ITPKB: variants seen among roughly 807,000 people sequenced by gnomAD.
The protein encoded by ITPKB is IP3 3-kinase B.
Under a neutral mutation model 69.4 loss-of-function variants are expected in ITPKB, and 13 were observed. That is an observed-to-expected ratio of 0.19 (90% CI 0.12 to 0.30). The LOEUF (loss-of-function observed/expected upper bound fraction) is 0.30, where lower values mean the gene tolerates loss of function less well. Ranked by LOEUF, ITPKB falls within the 10% of genes least tolerant of loss-of-function variation. The pLI is 1.00. For missense variants in ITPKB, 1,240 were observed against 1,250.5 expected, an observed-to-expected ratio of 0.99 and a Z score of 0.13; for synonymous variants, 584 against 513.7, an observed-to-expected ratio of 1.14 and a Z score of -1.85.
At chr1:226,662,799 G>A (rs1292424403) in intron 2 of ITPKB, among the ~76,000 whole-genome samples, 1 of 152,226 alleles carries the variant, frequency 6.6e-6, no homozygotes, top group Non-Finnish European at 1.5e-5. Context: ...TGATGTGCCT[G>A]TGGCTAAATG....
intron 2 of ITPKB, among the ~76,000 whole-genome samples, chr1:226,696,871 G>A (rs549753557): frequency 7.9e-5 from 12 of 152,268 alleles, no homozygotes; most frequent in Non-Finnish European, 1.2e-4. Context: ...ACTAGGGGCC[G>A]GGGGGTTAGC....
chr1:226,636,941 CAT>C (rs1357400659), intron 7 of ITPKB, among the ~76,000 whole-genome samples: 1 of 151,750 alleles, frequency 6.6e-6, no homozygotes, highest in Non-Finnish European at 1.5e-5. Flanking sequence ...GATTGATCTG[CAT>C]GTGTGTGAAT....
intron 2 of ITPKB, among the ~76,000 whole-genome samples, chr1:226,664,767 T>C (rs949968254): frequency 6.6e-6 from 1 of 152,350 alleles, no homozygotes; most frequent in South Asian, 2.1e-4. Flanking sequence ...GCCGATAAAC[T>C]GCCAAAGAGC....
chr1:226,705,546 AATG>A (rs1402155602), intron 2 of ITPKB, among the ~76,000 whole-genome samples: 28 of 151,840 alleles, frequency 1.8e-4, no homozygotes, highest in Non-Finnish European at 3.7e-4. Flanking sequence ...AAAAAAAAAA[AATG>A]ATGTCAAAGC....
At chr1:226,664,113 T>C (rs1669452887) in intron 2 of ITPKB, among the ~76,000 whole-genome samples, 1 of 152,376 alleles carries the variant, frequency 6.6e-6, no homozygotes. Context: ...AGAAGGCTCC[T>C]GGTTCTCTTA....
Position 226,651,279 on chromosome 1 carries a change from G to C in ITPKB, c.1933-2508C>G, listed in dbSNP as rs114213698. On this transcript the variant is annotated intron_variant, in intron 2 of 7. Coordinates refer to ENST00000429204, the MANE Select transcript of ITPKB (RefSeq NM_002221.4). ...TAGGTGAGCAGGCGAGGCCTCGGGAGAGCGTGGGGCGTTGAGGCAGGCCAA... is the reference window on the plus strand; with the variant it reads ...TAGGTGAGCAGGCGAGGCCTCGGGACAGCGTGGGGCGTTGAGGCAGGCCAA... Among the ~76,000 whole-genome samples the C allele has an allele frequency of 4.0e-3, 608 of 152,366 alleles. 4 individuals carry two copies. The highest frequency in any genetic ancestry group is 0.014 in the African/African-American group (589 of 41,584).
intron 7 of ITPKB, among the ~76,000 whole-genome samples, chr1:226,636,969 A>ATG (rs1326957497): frequency 6.6e-6 from 1 of 151,766 alleles, no homozygotes; most frequent in Non-Finnish European, 1.5e-5. Context: ...TGATTTGTGA[A>ATG]TGTGTGTGCA....
chr1:226,648,821 T>C, intron 2 of ITPKB, 50 bp from the exon 3 acceptor site: 3 of 1,269,740 alleles, frequency 2.4e-6, no homozygotes, highest in Non-Finnish European at 3.5e-6. Flanking sequence ...AACCACTAAT[T>C]TCTGGTTAGG....
In ITPKB at chr1:226,737,156, A is replaced by T; in HGVS notation, c.303T>A (p.Ser101Arg). The stretch of plus-strand genomic sequence containing the variant: ...GGTCCCCTCGCAGGCGACCAGCCCA[A>T]CTTGGGCTGCTCACGCTACTGCCGC... ...GSSGSSVSSPSWAGRLRGDRQ... is the reference protein window; with the variant it reads ...GSSGSSVSSPRWAGRLRGDRQ... Residue 101 changes from serine (S) to arginine (R), a missense_variant, in exon 2 of 8, where the codon AGT (serine) becomes AGA (arginine). Coordinates refer to ENST00000429204, the MANE Select transcript of ITPKB (RefSeq NM_002221.4). 12 of 1,596,548 alleles carry T rather than the reference A, an allele frequency of 7.5e-6. No homozygotes were observed. The highest frequency in any genetic ancestry group is 1.0e-5 in the Non-Finnish European group (12 of 1,178,392).
intron 2 of ITPKB, among the ~76,000 whole-genome samples, chr1:226,695,784 G>A (rs151317239): frequency 6.6e-6 from 1 of 152,302 alleles, no homozygotes; most frequent in Non-Finnish European, 1.5e-5. Context: ...AGGAGGGAGA[G>A]GACACGGGGG....
intron 2 of ITPKB, among the ~76,000 whole-genome samples, chr1:226,667,868 G>A (rs1421473374): frequency 2.0e-5 from 3 of 151,640 alleles, no homozygotes; most frequent in African/African-American, 4.9e-5. Flanking sequence ...GCGCGCGTGC[G>A]AAGTGGAGGT....
intron 2 of ITPKB, among the ~76,000 whole-genome samples, chr1:226,726,580 G>T (rs560843074): frequency 6.6e-6 from 1 of 151,932 alleles, no homozygotes; most frequent in Non-Finnish European, 1.5e-5. Context: ...GGAGGCTGAG[G>T]TGTGAGGATC....
rs1001579978 is a variant in ITPKB, at chr1:226,673,720, T to C, written c.1933-24949A>G. ...ACATATACCATATACATTAGATATATGCTATATATTTACACTTCTTGGCCT... is the reference window on the plus strand; with the variant it reads ...ACATATACCATATACATTAGATATACGCTATATATTTACACTTCTTGGCCT... On this transcript the variant is annotated intron_variant, in intron 2 of 7. Coordinates refer to ENST00000429204, the MANE Select transcript of ITPKB (RefSeq NM_002221.4). Among the ~76,000 whole-genome samples, 7 of 152,250 alleles carry C rather than the reference T, an allele frequency of 4.6e-5. No individual in the cohort carries two copies. In the East Asian group the frequency reaches 7.7e-4, roughly 17 times the overall value.
intron 5 of ITPKB, among the ~76,000 whole-genome samples, chr1:226,640,809 G>C (rs968181701): frequency 6.6e-6 from 1 of 152,178 alleles, no homozygotes; most frequent in Non-Finnish European, 1.5e-5. Context: ...TCTCAGCCCA[G>C]AGCTCGCAAA....
chr1:226,706,479 G>A (rs551280951), intron 2 of ITPKB, among the ~76,000 whole-genome samples: 1 of 152,196 alleles, frequency 6.6e-6, no homozygotes, highest in South Asian at 2.1e-4. Flanking sequence ...ATCTAGACAG[G>A]CTTCTTGTTA....
chr1:226,670,868 T>C lies in ITPKB; in HGVS notation c.1933-22097A>G, dbSNP rs533517903. On this transcript the variant is annotated intron_variant, in intron 2 of 7. Coordinates refer to ENST00000429204, the MANE Select transcript of ITPKB (RefSeq NM_002221.4). ...ATAGAATCAAGCTGTTTCATCATTA[T>C]GATCGTAGGGTTATGATGATACCTA... is the stretch of plus-strand genomic sequence containing the variant. Among the ~76,000 whole-genome samples, 256 of 152,382 alleles carry C rather than the reference T, an allele frequency of 1.7e-3. 2 individuals carry two copies. The highest frequency in any genetic ancestry group is 6.0e-3 in the African/African-American group (249 of 41,586).
intron 2 of ITPKB, among the ~76,000 whole-genome samples, chr1:226,705,322 G>A (rs1656773003): frequency 6.8e-6 from 1 of 147,518 alleles, no homozygotes; most frequent in South Asian, 2.3e-4. Flanking sequence ...CTGAGGTCGG[G>A]AGTTCGAGAC....
intron 2 of ITPKB, among the ~76,000 whole-genome samples, chr1:226,735,185 T>G (rs1657706749): frequency 6.6e-6 from 1 of 152,268 alleles, no homozygotes; most frequent in African/African-American, 2.4e-5. Context: ...CTCAGTTCAC[T>G]ATCTTTGGGG....
At chr1:226,722,776 C>T (rs989778710) in intron 2 of ITPKB, among the ~76,000 whole-genome samples, 1 of 152,186 alleles carries the variant, frequency 6.6e-6, no homozygotes, top group African/African-American at 2.4e-5. Flanking sequence ...GCCTGAGACA[C>T]ATATGTCTAG....
Sources: gnomAD v4.1 joint callset for allele counts (sites outside exome capture counted in the v4.1 genomes callset) on GRCh38, gnomAD v4.1.1 for gene constraint, MANE v1.5 for transcripts, NCBI Gene and HGNC (gene_info 2026-07-23, HGNC 2026-07-21) for gene names.